Variants in TMC4 observed in about 807,000 individuals in gnomAD.
TMC4 encodes the protein voltage-gated chloride channel TMC4.
Under a neutral mutation model 82.0 loss-of-function variants are expected in TMC4, and 70 were observed. The ratio of observed to expected loss-of-function variants is 0.85; its 90% confidence interval spans 0.70 to 1.04. The LOEUF (loss-of-function observed/expected upper bound fraction) is 1.04, where lower values mean the gene tolerates loss of function less well. Ranked by LOEUF, TMC4 falls within the 50% of genes least tolerant of loss-of-function variation. The pLI is 0.00. For synonymous variants in TMC4, 446 were observed against 406.0 expected, an observed-to-expected ratio of 1.10 and a Z score of -1.18; for missense variants, 879 against 899.0, an observed-to-expected ratio of 0.98 and a Z score of 0.28.
chr19:54,169,119 C>T (rs529570440), intron 3 of TMC4, among the ~76,000 whole-genome samples: 240 of 146,248 alleles, frequency 1.6e-3, no homozygotes, highest in Middle Eastern at 0.01. Flanking sequence ...CTGCAACCTC[C>T]GCCTCCTGGG....
At chr19:54,171,777 G>T in intron 2 of TMC4, 93 bp downstream of exon 2, 2 of 1,188,484 alleles carry the variant, frequency 1.7e-6, no homozygotes, top group Non-Finnish European at 1.2e-6. Flanking sequence ...GAAGCCAGGA[G>T]CGGCAGAGGA....
intron 7 of TMC4, 26 bp downstream of exon 7, chr19:54,164,408 G>T: frequency 6.3e-7 from 1 of 1,586,520 alleles, no homozygotes; most frequent in Middle Eastern, 1.8e-4. Flanking sequence ...GGACCCCCTG[G>T]CTTCCTCTTC....
rs200021671 is a variant in TMC4 at position 54,168,638 on chromosome 19, C to A, written c.485G>T (p.Arg162Leu). The change falls in exon 4 of 15, where the codon CGC becomes CTC. Residue 162 changes from arginine to leucine, a missense_variant. Arg to Leu is a moderately radical substitution (Grantham distance 102, BLOSUM62 -2). Coordinates refer to ENST00000619895, the MANE Select transcript of TMC4 (RefSeq NM_144686.4). ...AGTESYFSLL[R>L]FLLLLNVLAS... ...CAGCACGTTAAGAAGGAGCAGGAAG[C>A]GCAGCAGGGAGAAGTAGGACTCCGT... The A allele has an allele frequency of 3.2e-6, 5 of 1,587,132 alleles. No individual in the cohort carries two copies. Among genetic ancestry groups the A allele is most frequent in the African/African-American group, 1.3e-5 (1 of 74,210 alleles).
Position 54,160,311 on chromosome 19 carries a change from G to A in TMC4, c.2116C>T (p.Leu706Phe). The stretch of plus-strand genomic sequence containing the variant: ...CGGGACGTGGGCTGCGGGGGTCAAA[G>A]AGCCGGTTTGGTGGAGGTCAGCGCC... ...AVALTSTKPA[L>F] Residue 706 changes from leucine (L) to phenylalanine (F), a missense_variant, in exon 15 of 15, where the codon CTT (leucine) becomes TTT (phenylalanine). Transcript: ENST00000619895. 1.3e-6 allele frequency: 2 copies of A among 1,517,002 alleles called. No homozygotes were observed. The highest frequency in any genetic ancestry group is 2.3e-5 in the East Asian group (1 of 43,990). 94.0% of individuals were successfully genotyped at this position (1,517,002 alleles called of 1,614,324 possible). A position where few individuals can be genotyped will look rare whatever the true frequency, so the allele number is the denominator to read the frequency against.
intron 5 of TMC4, among the ~76,000 whole-genome samples, chr19:54,167,628 A>C (rs1309835126): frequency 7.0e-6 from 1 of 143,702 alleles, no homozygotes; most frequent in African/African-American, 2.5e-5. Context: ...TTTTTTTTTT[A>C]GATGGAGTTT....
Position 54,171,997 on chromosome 19 carries a change from G to A in TMC4, c.166C>T (p.Leu56=), listed in dbSNP as rs759555225. Residue 56 remains leucine, a synonymous_variant, in exon 2 of 15, where the codon CTG becomes TTG. Coordinates refer to ENST00000619895, the MANE Select transcript of TMC4 (RefSeq NM_144686.4). ...RDPGVLPWGA[L]EEEEEDGGRS... is the part of the protein sequence containing the mutation. ...CCTCCATCCTCCTCCTCCTCCTCCA[G>A]CGCCCCCCAAGGCAGCACCCCAGGG... 2 of 1,612,864 alleles carry A rather than the reference G, an allele frequency of 1.2e-6. No individual in the cohort carries two copies. Among genetic ancestry groups the A allele is most frequent in the Admixed American group, 1.7e-5 (1 of 59,860 alleles).
chr19:54,162,336 G>T (rs1307056820), intron 10 of TMC4, 51 bp from the exon 11 acceptor site: 2 of 1,286,476 alleles, frequency 1.6e-6, no homozygotes, highest in Admixed American at 3.8e-5. Flanking sequence ...GCGGCCTGGA[G>T]TTTCCACGCC....
intron 1 of TMC4, 61 bp downstream of exon 1, chr19:54,172,978 A>C: frequency 6.7e-7 from 1 of 1,481,612 alleles, no homozygotes; most frequent in Non-Finnish European, 9.3e-7. Context: ...TTCCTCCTCC[A>C]GCAGGACTCC....
At chr19:54,169,713 C>T (rs567580053) in intron 2 of TMC4, 53 bp from the exon 3 acceptor site, 1 of 1,600,046 alleles carries the variant, frequency 6.2e-7, no homozygotes, top group Admixed American at 1.7e-5. Context: ...AGACTGGGAA[C>T]CATCTGAATG....
intron 2 of TMC4, among the ~76,000 whole-genome samples, chr19:54,171,356 G>C (rs571873767): frequency 6.6e-6 from 1 of 152,210 alleles, no homozygotes; most frequent in South Asian, 2.1e-4. Context: ...TGATCCACTC[G>C]CCTGGGCCTC....
Position 54,171,750 on chromosome 19 carries a change from G to A in TMC4, c.293+120C>T, listed in dbSNP as rs542975299. On this transcript the variant is annotated intron_variant, in intron 2 of 14. Transcript: ENST00000619895. ...AACCAAGAGAGGCAGCTCTGAGCGGGGCAGAGAGAGGCCCCAGAAGCCAGG... is the reference window on the plus strand; with the variant it reads ...AACCAAGAGAGGCAGCTCTGAGCGGAGCAGAGAGAGGCCCCAGAAGCCAGG... 2.5e-4 allele frequency: 221 copies of A among 867,524 alleles called. 1 individual carries two copies. The East Asian group carries it at 5.4e-3, about 21-fold the overall frequency. The allele number at this position is 867,524 out of a possible 1,614,324, so 53.7% of individuals were successfully genotyped here.
At chr19:54,170,102 GGAAA>G (rs966870398) in intron 2 of TMC4, among the ~76,000 whole-genome samples, 4 of 151,712 alleles carry the variant, frequency 2.6e-5, no homozygotes, top group South Asian at 2.1e-4. Flanking sequence ...TTCCAAGAAA[GGAAA>G]GAAAGAAAGA....
Position 54,164,582 on chromosome 19 carries a change from ACT to A in TMC4, c.963_964del (p.Val322GlyfsTer133). ...CCGCACCGCAGCCTGGCGCCGCACC[ACT>A]GTCTCCTCCAGCTCCACCTGAAGGC... On this transcript the variant is annotated frameshift_variant, in exon 7 of 15. Coordinates refer to ENST00000619895, the MANE Select transcript of TMC4 (RefSeq NM_144686.4). LOFTEE classifies it high-confidence loss of function. The A allele has an allele frequency of 6.2e-7, 1 of 1,613,412 alleles. No individual in the cohort carries two copies. The highest frequency in any genetic ancestry group is 8.5e-7 in the Non-Finnish European group (1 of 1,179,952).
intron 3 of TMC4, among the ~76,000 whole-genome samples, chr19:54,169,239 T>G (rs1427633411): frequency 6.6e-6 from 1 of 151,302 alleles, no homozygotes; most frequent in Non-Finnish European, 1.5e-5. Context: ...TTCACCATGT[T>G]GGTCAGGCTG....
At chr19:54,172,233 G>A (rs1222487206) in intron 1 of TMC4, 150 bp from the exon 2 acceptor site, 1 of 372,498 alleles carries the variant, frequency 2.7e-6, no homozygotes, top group African/African-American at 3.2e-5. Flanking sequence ...AGGAGTCCAG[G>A]CCCCCGGCTC....
chr19:54,169,506 C>A lies in TMC4; in HGVS notation c.442+6G>T. ...CCCCCAGGACACCACCCAAACCCCA[C>A]CGCACCCCCGATCCTCTTCAGTGTC... is the stretch of plus-strand genomic sequence containing the variant. On this transcript the variant is annotated splice_donor_region_variant and intron_variant, in intron 3 of 14. Transcript: ENST00000619895. 6.2e-7 allele frequency: 1 copy of A among 1,610,808 alleles called. No homozygotes were observed. Among genetic ancestry groups the A allele is most frequent in the Non-Finnish European group, 8.5e-7 (1 of 1,179,204 alleles).
chr19:54,170,884 T>C (rs191448528), intron 2 of TMC4, among the ~76,000 whole-genome samples: 2 of 152,168 alleles, frequency 1.3e-5, no homozygotes, highest in East Asian at 1.9e-4. Context: ...TTTTAACTTG[T>C]ATTATTTTTT....
intron 14 of TMC4, 24 bp from the exon 15 acceptor site, chr19:54,160,398 G>A (rs902733520): frequency 1.3e-6 from 2 of 1,574,102 alleles, no homozygotes; most frequent in Non-Finnish European, 1.7e-6. Flanking sequence ...AGGTGGAGGT[G>A]AGACAATCCT....
At chr19:54,165,284 G>C in intron 6 of TMC4, 135 bp downstream of exon 6, 2 of 1,065,618 alleles carry the variant, frequency 1.9e-6, no homozygotes, top group East Asian at 5.3e-5. Flanking sequence ...TCATTCCCCA[G>C]GACCTGCCTT....
Sources: allele counts gnomAD v4.1 joint callset (sites outside exome capture counted in the v4.1 genomes callset), GRCh38; gene constraint gnomAD v4.1.1; transcripts MANE v1.5; gene names NCBI Gene and HGNC (gene_info 2026-07-23, HGNC 2026-07-21).